Variants in PTCHD4 observed in about 807,000 individuals in gnomAD.
PTCHD4 encodes patched domain containing 4, also known as patched domain-containing protein 4.
PTCHD4 carries 33 observed loss-of-function variants against 58.1 expected under a neutral mutation model. The ratio of observed to expected loss-of-function variants is 0.57; its 90% CI spans 0.43 to 0.76. PTCHD4 has a LOEUF of 0.76. Among genes scored for constraint, PTCHD4 ranks in the 30% least tolerant of loss-of-function variants. The pLI is 0.00. For synonymous variants in PTCHD4, 478 were observed against 409.6 expected, an observed-to-expected ratio of 1.17 and a Z score of -2.02; for missense variants, 1,058 against 1,027.1, an observed-to-expected ratio of 1.03 and a Z score of -0.41.
intron 4 of PTCHD4, among the ~76,000 whole-genome samples, chr6:47,938,746 G>A (rs980399670): frequency 1.3e-5 from 2 of 152,190 alleles, no homozygotes; most frequent in Non-Finnish European, 2.9e-5. Flanking sequence ...CTGGCAGGCA[G>A]AATTAGATTT....
intron 3 of PTCHD4, among the ~76,000 whole-genome samples, chr6:48,064,149 C>A (rs956245708): frequency 6.6e-6 from 1 of 152,106 alleles, no homozygotes; most frequent in Admixed American, 6.5e-5. Flanking sequence ...TGCTTTATTT[C>A]TCTATCACCG....
intron 4 of PTCHD4, among the ~76,000 whole-genome samples, chr6:47,908,705 T>C (rs1764977704): frequency 6.6e-6 from 1 of 152,180 alleles, no homozygotes; most frequent in Non-Finnish European, 1.5e-5. Flanking sequence ...AGGAATGTCA[T>C]GGTTTTTAGC....
chr6:48,052,068 G>A (rs1413133840), intron 3 of PTCHD4, among the ~76,000 whole-genome samples: 1 of 152,006 alleles, frequency 6.6e-6, no homozygotes, highest in East Asian at 1.9e-4. Context: ...AACAATGTAA[G>A]CACAGAATAC....
chr6:47,940,516 T>C (rs1207776243), intron 4 of PTCHD4, among the ~76,000 whole-genome samples: 1 of 152,248 alleles, frequency 6.6e-6, no homozygotes, highest in African/African-American at 2.4e-5. Flanking sequence ...GAATATTTTT[T>C]AAACTTTATA....
chr6:47,905,043 TCACACA>T (rs70999653), intron 4 of PTCHD4, among the ~76,000 whole-genome samples: 22,296 of 131,566 alleles, frequency 0.17, 1,710 homozygotes, highest in African/African-American at 0.2. Context: ...AATACAGCCA[TCACACA>T]CACACACACA....
intron 3 of PTCHD4, among the ~76,000 whole-genome samples, chr6:48,012,331 G>C (rs1157895657): frequency 3.3e-5 from 5 of 152,090 alleles, no homozygotes; most frequent in Non-Finnish European, 7.4e-5. Flanking sequence ...CTTTTTTGTA[G>C]CCATTGTGAA....
At chr6:48,005,663 GTCTC>G (rs1309201238) in intron 4 of PTCHD4, among the ~76,000 whole-genome samples, 1 of 152,114 alleles carries the variant, frequency 6.6e-6, no homozygotes, top group Non-Finnish European at 1.5e-5. Context: ...AAGCCTCTCT[GTCTC>G]TCTCTTTCTA....
intron 3 of PTCHD4, among the ~76,000 whole-genome samples, chr6:48,014,713 G>A (rs2114097395): frequency 6.6e-6 from 1 of 152,240 alleles, no homozygotes; most frequent in African/African-American, 2.4e-5. Flanking sequence ...ATAACTAATA[G>A]AGTCATTAAT....
At position 47,866,257 on chromosome 6, in the gene PTCHD4, G is replaced by A. The variant is rs903576742; in HGVS notation, c.*12046C>T. ...TAAATGTGTTGACTTGGTTGTCTAA[G>A]CCACTGTTTTTCAAATTGAGCCACA... On this transcript the variant is annotated 3_prime_UTR_variant, in exon 5 of 5. Coordinates refer to ENST00000339488, the MANE Select transcript of PTCHD4 (RefSeq NM_001384253.1). Among the ~76,000 whole-genome samples the A allele has an allele frequency of 2.0e-5, 3 of 151,868 alleles. No homozygotes were observed. The highest frequency in any genetic ancestry group is 7.2e-5 in the African/African-American group (3 of 41,398).
intron 1 of PTCHD4, among the ~76,000 whole-genome samples, chr6:48,103,205 G>T (rs1036658727): frequency 3.3e-5 from 5 of 152,208 alleles, no homozygotes; most frequent in Non-Finnish European, 2.9e-5. Context: ...ACACCCCCCA[G>T]TAGGGGCAGA....
At chr6:47,925,988 G>A (rs1004261088) in intron 4 of PTCHD4, among the ~76,000 whole-genome samples, 2 of 152,140 alleles carry the variant, frequency 1.3e-5, no homozygotes, top group Non-Finnish European at 1.5e-5. Flanking sequence ...TCTCGCAAAT[G>A]AGACTCTTGT....
At chr6:48,102,389 A>T (rs1272435543) in intron 1 of PTCHD4, among the ~76,000 whole-genome samples, 1 of 152,220 alleles carries the variant, frequency 6.6e-6, no homozygotes, top group Non-Finnish European at 1.5e-5. Context: ...TGTAATTTCT[A>T]GTGTTCTCGA....
intron 3 of PTCHD4, among the ~76,000 whole-genome samples, chr6:48,065,069 C>T (rs1473764348): frequency 1.3e-5 from 2 of 152,094 alleles, no homozygotes; most frequent in African/African-American, 4.8e-5. Context: ...TCAACATAAT[C>T]ATGTTTATCA....
intron 4 of PTCHD4, among the ~76,000 whole-genome samples, chr6:47,944,395 A>T (rs148462807): frequency 6.6e-6 from 1 of 152,272 alleles, no homozygotes; most frequent in African/African-American, 2.4e-5. Flanking sequence ...CATTTATTAG[A>T]TTCTAGCAGG....
rs1434547766 is a variant in PTCHD4 at position 47,877,128 on chromosome 6, A to G, written c.*1175T>C. ...TTAGAATAGTTTCCTTATGCTAAGAACTAGTAGATGGCATGTGATGAGTGG... is the reference window on the plus strand; with the variant it reads ...TTAGAATAGTTTCCTTATGCTAAGAGCTAGTAGATGGCATGTGATGAGTGG... On this transcript the variant is annotated 3_prime_UTR_variant, in exon 5 of 5. Transcript: ENST00000339488. Among the ~76,000 whole-genome samples the G allele has an allele frequency of 2.0e-5, 3 of 152,048 alleles. No homozygotes were observed. Among genetic ancestry groups the G allele is most frequent in the Non-Finnish European group, 2.9e-5 (2 of 67,974 alleles).
intron 4 of PTCHD4, among the ~76,000 whole-genome samples, chr6:47,940,523 T>C (rs1766174063): frequency 6.6e-6 from 1 of 152,234 alleles, no homozygotes; most frequent in South Asian, 2.1e-4. Context: ...TTTTAAACTT[T>C]ATACCATAAA....
At chr6:47,912,343 C>G (rs189823530) in intron 4 of PTCHD4, among the ~76,000 whole-genome samples, 2 of 151,912 alleles carry the variant, frequency 1.3e-5, no homozygotes, top group Admixed American at 6.6e-5. Flanking sequence ...CCTACAATGC[C>G]TTGTCCTGTA....
At chr6:47,995,673 T>A (rs115813546) in intron 4 of PTCHD4, among the ~76,000 whole-genome samples, 1 of 152,354 alleles carries the variant, frequency 6.6e-6, no homozygotes, top group African/African-American at 2.4e-5. Context: ...ATTGAATATC[T>A]TGGCATCTTA....
intron 3 of PTCHD4, among the ~76,000 whole-genome samples, chr6:48,050,159 G>A (rs968588193): frequency 1.3e-5 from 2 of 151,968 alleles, no homozygotes; most frequent in African/African-American, 2.4e-5. Context: ...GAAGTGTCAC[G>A]ATATTAGTCA....
Sources: gnomAD v4.1 joint callset for allele counts (sites outside exome capture counted in the v4.1 genomes callset) on GRCh38, gnomAD v4.1.1 for gene constraint, MANE v1.5 for transcripts, NCBI Gene and HGNC (gene_info 2026-07-23, HGNC 2026-07-21) for gene names.